Variants in CCDC91 observed in about 807,000 individuals in gnomAD.
CCDC91 encodes the protein coiled-coil domain containing 91.
Under a neutral mutation model 63.2 loss-of-function variants are expected in CCDC91, and 48 were observed. The observed-to-expected ratio is 0.76, with a 90% confidence interval of 0.60 to 0.97. The LOEUF (loss-of-function observed/expected upper bound fraction) is 0.97. Ranked by LOEUF, CCDC91 falls within the 50% of genes least tolerant of loss-of-function variation. The pLI is 0.00. For missense variants in CCDC91, 500 were observed against 494.6 expected, an observed-to-expected ratio of 1.01 and a Z score of -0.10; for synonymous variants, 167 against 165.8, an observed-to-expected ratio of 1.01 and a Z score of -0.06.
chr12:28,198,804 A>AT (rs976238391), intron 1 of CCDC91: 1 of 139,892 alleles, frequency 7.1e-6, no homozygotes, highest in Non-Finnish European at 1.6e-5. Context: ...TCATTTTGCT[A>AT]TTTTTTCTGT....
At chr12:28,348,666 G>T (rs766804646) in intron 6 of CCDC91, among the ~76,000 whole-genome samples, 4 of 151,920 alleles carry the variant, frequency 2.6e-5, no homozygotes, top group Non-Finnish European at 5.9e-5. Context: ...CTGTTTTATT[G>T]ATTTTTCTTT....
intron 7 of CCDC91, among the ~76,000 whole-genome samples, chr12:28,372,585 AT>A (rs34189454): frequency 0.1 from 15,203 of 148,442 alleles, 1,053 homozygotes; most frequent in Admixed American, 0.14. Context: ...GGGTATTTAA[AT>A]TTTTTTTTTG....
intron 8 of CCDC91, among the ~76,000 whole-genome samples, chr12:28,413,524 A>G (rs1402105263): frequency 1.3e-5 from 2 of 152,022 alleles, no homozygotes; most frequent in Non-Finnish European, 2.9e-5. Flanking sequence ...TAATAGTTTT[A>G]CTTATTCTTG....
rs546873217 is a variant in CCDC91 at position 28,330,568 on chromosome 12, G to T, written c.576+22819G>T. ...TTTTCTTCCATTCTGTAGGTTGCCT[G>T]TTCACTCTGATGGTAGTTTCTTTTG... is the stretch of plus-strand genomic sequence containing the variant. On this transcript the variant is annotated intron_variant, in intron 6 of 12. Transcript: ENST00000536442. Among the ~76,000 whole-genome samples the T allele has an allele frequency of 5.3e-5, 8 of 151,974 alleles. No individual in the cohort carries two copies. In the East Asian group the frequency reaches 1.6e-3, roughly 30 times the overall value.
chr12:28,452,988 A>G (rs143576184), intron 11 of CCDC91, among the ~76,000 whole-genome samples: 67 of 152,020 alleles, frequency 4.4e-4, no homozygotes, highest in African/African-American at 1.5e-3. Flanking sequence ...AGAGACACAT[A>G]CGCACACATG....
chr12:28,535,354 G>A (rs11049698), intron 12 of CCDC91, among the ~76,000 whole-genome samples: 58,536 of 152,030 alleles, frequency 0.39, 11,682 homozygotes, highest in South Asian at 0.46. Context: ...ATAATAGTCT[G>A]CATTTGACCA....
At chr12:28,384,654 A>T (rs1945488999) in intron 7 of CCDC91, among the ~76,000 whole-genome samples, 2 of 152,282 alleles carry the variant, frequency 1.3e-5, no homozygotes, top group South Asian at 4.1e-4. Context: ...TTAGTCCACG[A>T]AAAGAGAAAT....
At chr12:28,223,462 C>T (rs1314002508) in intron 1 of CCDC91, among the ~76,000 whole-genome samples, 1 of 152,086 alleles carries the variant, frequency 6.6e-6, no homozygotes. Context: ...TTTTCTGAGT[C>T]TCTATACCTG....
rs1420815783 is a variant in CCDC91, at chr12:28,203,077, G to A, written c.-15+12436G>A. Among the ~76,000 whole-genome samples, 6 of 152,280 alleles carry A rather than the reference G, an allele frequency of 3.9e-5. No individual in the cohort carries two copies. In the East Asian group the frequency reaches 1.2e-3, roughly 29 times the overall value. On this transcript the variant is annotated intron_variant, in intron 1 of 12. Coordinates refer to ENST00000536442, the MANE Select transcript of CCDC91 (RefSeq NM_018318.5). ...TTTGGAGGAGGTCCAACCCTATTTT[G>A]CCCCTCCTGGTGGCTGCTAGGCTGC...
chr12:28,448,128 G>A (rs1174156096), intron 8 of CCDC91, among the ~76,000 whole-genome samples: 1 of 151,964 alleles, frequency 6.6e-6, no homozygotes, highest in East Asian at 1.9e-4. Flanking sequence ...TACTACTACC[G>A]ATAATGATTA....
chr12:28,235,185 A>T (rs1944859541), intron 1 of CCDC91, among the ~76,000 whole-genome samples: 1 of 152,110 alleles, frequency 6.6e-6, no homozygotes, highest in African/African-American at 2.4e-5. Flanking sequence ...GGCCCAGAAA[A>T]TGGCACATAT....
chr12:28,276,037 A>C (rs1417367724), intron 3 of CCDC91, among the ~76,000 whole-genome samples: 2 of 152,094 alleles, frequency 1.3e-5, no homozygotes, highest in Admixed American at 1.3e-4. Context: ...CAAAAACTGG[A>C]AGCATTCCCT....
chr12:28,451,879 GA>G (rs1051973532), intron 10 of CCDC91, among the ~76,000 whole-genome samples: 1 of 151,556 alleles, frequency 6.6e-6, no homozygotes, highest in Non-Finnish European at 1.5e-5. Context: ...CTATCTGTGT[GA>G]GACTGGGTTT....
chr12:28,495,494 T>C (rs1952231251), intron 12 of CCDC91, among the ~76,000 whole-genome samples: 1 of 151,722 alleles, frequency 6.6e-6, no homozygotes, highest in South Asian at 2.1e-4. Flanking sequence ...TCCTGCTTCT[T>C]GTAATTAGGT....
intron 8 of CCDC91, among the ~76,000 whole-genome samples, chr12:28,447,404 G>A (rs1303340309): frequency 6.6e-6 from 1 of 151,570 alleles, no homozygotes; most frequent in African/African-American, 2.4e-5. Flanking sequence ...TTGGGTAATG[G>A]GACACTGGGA....
chr12:28,398,924 T>G (rs1210540401), intron 8 of CCDC91, among the ~76,000 whole-genome samples: 6 of 152,228 alleles, frequency 3.9e-5, no homozygotes, highest in Non-Finnish European at 8.8e-5. Context: ...ACAAATATTT[T>G]TTCATAGTTT....
intron 2 of CCDC91, among the ~76,000 whole-genome samples, chr12:28,259,077 C>G (rs369674003): frequency 1.3e-5 from 2 of 151,796 alleles, no homozygotes; most frequent in East Asian, 1.9e-4. Flanking sequence ...ATAAAGTTTA[C>G]AAGTGAAAAT....
intron 1 of CCDC91, among the ~76,000 whole-genome samples, chr12:28,242,093 A>T (rs1192670467): frequency 1.3e-5 from 2 of 151,942 alleles, no homozygotes; most frequent in Admixed American, 1.3e-4. Flanking sequence ...GTCATATTAA[A>T]TATACTGTCA....
chr12:28,415,425 G>A (rs1046617312), intron 8 of CCDC91, among the ~76,000 whole-genome samples: 8 of 152,042 alleles, frequency 5.3e-5, no homozygotes, highest in African/African-American at 1.9e-4. Flanking sequence ...GTTTCTCCAT[G>A]TTGAGACTGG....
Sources: allele counts gnomAD v4.1 joint callset (sites outside exome capture counted in the v4.1 genomes callset), GRCh38; gene constraint gnomAD v4.1.1; transcripts MANE v1.5; gene names NCBI Gene and HGNC (gene_info 2026-07-23, HGNC 2026-07-21).